Variants in FANCC observed in about 807,000 individuals in gnomAD.
FANCC encodes the protein FA complementation group C.
In FANCC, 55 loss-of-function variants were observed where a neutral mutation model predicts 71.3. That is an observed-to-expected ratio of 0.77 (90% CI 0.62 to 0.97). The LOEUF is 0.97. FANCC is among the 50% of genes least tolerant of loss of function. FANCC has a pLI of 0.00. For missense variants in FANCC, 678 were observed against 670.9 expected, an observed-to-expected ratio of 1.01 and a Z score of -0.12; for synonymous variants, 275 against 244.9, an observed-to-expected ratio of 1.12 and a Z score of -1.15.
chr9:95,131,186 T>G (rs1213499061), intron 8 of FANCC, among the ~76,000 whole-genome samples: 2 of 152,232 alleles, frequency 1.3e-5, no homozygotes, highest in African/African-American at 4.8e-5. Flanking sequence ...AAGTACCAAA[T>G]GTACTTTTGC....
intron 6 of FANCC, among the ~76,000 whole-genome samples, chr9:95,155,034 T>C (rs1830376863): frequency 6.6e-6 from 1 of 150,662 alleles, no homozygotes; most frequent in Non-Finnish European, 1.5e-5. Flanking sequence ...GGTGAAACCC[T>C]GCCTCTACAA....
intron 1 of FANCC, among the ~76,000 whole-genome samples, chr9:95,274,825 CT>C (rs753963738): frequency 3.3e-5 from 5 of 152,090 alleles, no homozygotes; most frequent in Non-Finnish European, 5.9e-5. Flanking sequence ...TGGGCACTGA[CT>C]TGCCATTATT....
intron 4 of FANCC, among the ~76,000 whole-genome samples, chr9:95,227,659 T>C (rs1012990245): frequency 2.6e-5 from 4 of 152,234 alleles, no homozygotes. Context: ...TATTTACATA[T>C]GTGTCCCCCA....
intron 4 of FANCC, among the ~76,000 whole-genome samples, chr9:95,223,248 T>C (rs1262193176): frequency 6.6e-6 from 1 of 152,202 alleles, no homozygotes; most frequent in Non-Finnish European, 1.5e-5. Flanking sequence ...CAGCAAGGTG[T>C]CCTAAGGGCT....
At chr9:95,185,171 A>G (rs1430876122) in intron 4 of FANCC, among the ~76,000 whole-genome samples, 1 of 152,248 alleles carries the variant, frequency 6.6e-6, no homozygotes, top group African/African-American at 2.4e-5. Flanking sequence ...GATAAAAAGT[A>G]TTTCAGTCTC....
chr9:95,294,792 C>A, intron 1 of FANCC: 4 of 1,558,026 alleles, frequency 2.6e-6, no homozygotes, highest in Non-Finnish European at 2.6e-6. Flanking sequence ...CGGAACCACA[C>A]ACAGTCTCCA....
intron 1 of FANCC, among the ~76,000 whole-genome samples, chr9:95,310,102 C>T (rs1835300375): frequency 6.6e-6 from 1 of 152,206 alleles, no homozygotes; most frequent in East Asian, 1.9e-4. Flanking sequence ...GTGGCTCACA[C>T]CTCTCATCAC....
chr9:95,197,994 A>G (rs779168365), intron 4 of FANCC, among the ~76,000 whole-genome samples: 11 of 152,146 alleles, frequency 7.2e-5, no homozygotes, highest in Non-Finnish European at 1.6e-4. Context: ...TCATCAGGGG[A>G]GAAGGTCTAC....
In FANCC at chr9:95,150,205, A is replaced by G. The variant is rs1435859128; in HGVS notation, c.522-118T>C. On this transcript the variant is annotated intron_variant, in intron 6 of 14. Transcript: ENST00000289081. Reference sequence around the variant, plus strand: ...GATCACCTGTTTTGCCTCTAAATAAAGAGAATGACTCTAACACCATCGATG... The same window carrying G: ...GATCACCTGTTTTGCCTCTAAATAAGGAGAATGACTCTAACACCATCGATG... The G allele has an allele frequency of 7.2e-6, 7 of 969,654 alleles. No homozygotes were observed. The Admixed American group carries it at 1.2e-4, about 17-fold the overall frequency. 60.1% of individuals were successfully genotyped at this position (969,654 alleles called of 1,614,324 possible).
intron 1 of FANCC, among the ~76,000 whole-genome samples, chr9:95,314,048 T>C (rs1268116095): frequency 6.6e-6 from 1 of 152,232 alleles, no homozygotes; most frequent in Admixed American, 6.5e-5. Context: ...ACTCCATGTC[T>C]ATTCAGCAAA....
Position 95,101,727 on chromosome 9 carries a change from C to T in FANCC, c.1657G>A (p.Glu553Lys), listed in dbSNP as rs1363034661. 1 of 1,614,006 alleles carries T rather than the reference C, an allele frequency of 6.2e-7. No homozygotes were observed. Among genetic ancestry groups the T allele is most frequent in the Non-Finnish European group, 8.5e-7 (1 of 1,180,022 alleles). ...SEKLARELLK[E>K]LRTQV ...GCCTTCTAGACTTGAGTTCGCAGCT[C>T]TTTAAGGAGCTCTCGGGCCAGTTTT... Residue 553 changes from glutamate to lysine, a missense_variant, in exon 15 of 15, where the codon GAG becomes AAG. Physicochemically the swap from Glu to Lys is moderately conservative, Grantham distance 56. Coordinates refer to ENST00000289081, the MANE Select transcript of FANCC (RefSeq NM_000136.3).
intron 4 of FANCC, among the ~76,000 whole-genome samples, chr9:95,199,029 G>C (rs1827636236): frequency 6.6e-6 from 1 of 152,056 alleles, no homozygotes; most frequent in Non-Finnish European, 1.5e-5. Context: ...GCCTGACCTA[G>C]TTTTCTTTAT....
Position 95,101,967 on chromosome 9 carries a change from A to G in FANCC, c.1534-117T>C. 4.2e-6 allele frequency: 5 copies of G among 1,191,210 alleles called. No individual in the cohort carries two copies. In the Admixed American group the frequency reaches 9.7e-5, roughly 23 times the overall value. 73.8% of individuals were successfully genotyped at this position (1,191,210 alleles called of 1,614,324 possible). On this transcript the variant is annotated intron_variant, in intron 14 of 14. Transcript: ENST00000289081. ...GAAAGAAGCCCTATCCAGCATTTCC[A>G]TCAGTTCCAAAGTAAAGCATCAGGG...
rs149917017 is a variant in FANCC, at chr9:95,107,193, G to A, written c.1406C>T (p.Thr469Met). The stretch of plus-strand genomic sequence containing the variant: ...TGTGTCTGTGCCCTGTCCTGCTACC[G>A]TCTGCAGGTCCTGGGCTGAGAGGCT... ...SSSLSAQDLQ[T>M]VAGQGTDTDL... Residue 469 changes from threonine to methionine, a missense_variant, in exon 14 of 15, where the codon ACG (threonine) becomes ATG (methionine). Coordinates refer to ENST00000289081, the MANE Select transcript of FANCC (RefSeq NM_000136.3). 78 of 1,614,208 alleles carry A rather than the reference G, an allele frequency of 4.8e-5. No homozygotes were observed. The highest frequency in any genetic ancestry group is 1.3e-4 in the African/African-American group (10 of 75,058).
At chr9:95,113,342 A>T (rs1473921686) in intron 12 of FANCC, among the ~76,000 whole-genome samples, 1 of 152,236 alleles carries the variant, frequency 6.6e-6, no homozygotes, top group East Asian at 1.9e-4. Context: ...CAAAAGGAAC[A>T]AATAAGATAG....
At chr9:95,217,207 C>T (rs1162806828) in intron 4 of FANCC, among the ~76,000 whole-genome samples, 3 of 152,040 alleles carry the variant, frequency 2.0e-5, no homozygotes, top group Non-Finnish European at 4.4e-5. Flanking sequence ...ATTTCTAGGC[C>T]GGGCCTGGGG....
In FANCC at chr9:95,258,156, T is replaced by C. The variant is rs190103643; in HGVS notation, c.-78-8787A>G. The stretch of plus-strand genomic sequence containing the variant: ...TTCCTTCTGAAACTATTCCAAACAA[T>C]AGAAAAAGAGGGACTCTTCCCTAAC... On this transcript the variant is annotated intron_variant, in intron 1 of 14. Coordinates refer to ENST00000289081, the MANE Select transcript of FANCC (RefSeq NM_000136.3). Among the ~76,000 whole-genome samples, 198 of 152,100 alleles carry C rather than the reference T, an allele frequency of 1.3e-3. 4 individuals are homozygous for C. The highest frequency in any genetic ancestry group is 0.013 in the Admixed American group (192 of 15,282).
chr9:95,204,202 T>C (rs921979881), intron 4 of FANCC, among the ~76,000 whole-genome samples: 3 of 152,220 alleles, frequency 2.0e-5, no homozygotes, highest in African/African-American at 7.2e-5. Context: ...ATCCTTTAAT[T>C]TCACTGAAGG....
intron 1 of FANCC, among the ~76,000 whole-genome samples, chr9:95,311,189 G>A (rs1224449098): frequency 6.9e-6 from 1 of 145,320 alleles, no homozygotes; most frequent in Non-Finnish European, 1.5e-5. Context: ...AGCCGAGATC[G>A]CGCCACTGCA....
Sources: allele counts gnomAD v4.1 joint callset (sites outside exome capture counted in the v4.1 genomes callset), GRCh38; gene constraint gnomAD v4.1.1; transcripts MANE v1.5; gene names NCBI Gene and HGNC (gene_info 2026-07-23, HGNC 2026-07-21).